Variants in BIN2 observed in about 807,000 individuals in gnomAD.
BIN2 encodes breast cancer associated protein BRAP1.
BIN2 carries 43 observed loss-of-function variants against 67.9 expected under a neutral mutation model. That is an observed-to-expected ratio of 0.63 (90% CI 0.50 to 0.82). BIN2 has a LOEUF of 0.82. Among genes scored for constraint, BIN2 ranks in the 40% least tolerant of loss-of-function variants. The pLI is 0.00. For synonymous variants in BIN2, 244 were observed against 246.8 expected (o/e 0.99, Z 0.11); for missense variants, 581 against 671.6 (o/e 0.87, Z 1.49).
At chr12:51,296,606 A>C (rs958830776) in intron 8 of BIN2, among the ~76,000 whole-genome samples, 5 of 152,194 alleles carry the variant, frequency 3.3e-5, no homozygotes, top group Non-Finnish European at 7.3e-5. Context: ...AATATAACTA[A>C]TATAAATGTT....
intron 1 of BIN2, among the ~76,000 whole-genome samples, chr12:51,319,982 CCT>C (rs1198132998): frequency 1.3e-5 from 2 of 151,248 alleles, no homozygotes; most frequent in African/African-American, 4.9e-5. Flanking sequence ...TCCTTTTCTC[CCT>C]CTCTTTCTTT....
chr12:51,316,105 T>C (rs940758494), intron 1 of BIN2, among the ~76,000 whole-genome samples: 2 of 152,326 alleles, frequency 1.3e-5, no homozygotes, highest in Admixed American at 6.5e-5. Context: ...TCACTGTTTA[T>C]TACCTGGCCT....
chr12:51,281,575 C>T (rs1357521166), intron 12 of BIN2, 47 bp from the exon 13 acceptor site: 4 of 1,601,566 alleles, frequency 2.5e-6, no homozygotes, highest in Non-Finnish European at 2.6e-6. Flanking sequence ...GCCTTCCCAC[C>T]AACCACTTAT....
chr12:51,315,154 G>T (rs1044645169), intron 1 of BIN2, among the ~76,000 whole-genome samples: 2 of 151,758 alleles, frequency 1.3e-5, no homozygotes, highest in Admixed American at 6.6e-5. Context: ...AGGCTGGCTG[G>T]CATTGTTATT....
At chr12:51,281,894 G>A (rs917426400) in intron 12 of BIN2, among the ~76,000 whole-genome samples, 2 of 151,864 alleles carry the variant, frequency 1.3e-5, no homozygotes, top group Admixed American at 1.3e-4. Flanking sequence ...AGGACTACAG[G>A]CGCACACAAC....
intron 10 of BIN2, 25 bp downstream of exon 10, chr12:51,291,566 A>C: frequency 6.5e-7 from 1 of 1,546,138 alleles, no homozygotes. Flanking sequence ...AATTAAATTA[A>C]ATACCCAACC....
intron 1 of BIN2, among the ~76,000 whole-genome samples, chr12:51,322,233 T>G (rs1213060040): frequency 2.0e-5 from 3 of 152,120 alleles, no homozygotes; most frequent in Non-Finnish European, 2.9e-5. Flanking sequence ...ATTTTACAGG[T>G]GCAAGATCTG....
At chr12:51,322,398 G>C (rs3847857) in intron 1 of BIN2, among the ~76,000 whole-genome samples, 1 of 152,246 alleles carries the variant, frequency 6.6e-6, no homozygotes, top group South Asian at 2.1e-4. Context: ...TTATTTTTAT[G>C]TATTTATTTT....
In BIN2 at chr12:51,306,618, T is replaced by C. The variant is rs1945871469; in HGVS notation, c.163-3477A>G. On this transcript the variant is annotated intron_variant, in intron 2 of 12. Transcript: ENST00000615107. ...CTGCAGCCTGGGCGACACAGCAGAC[T>C]CTGTCTAAAAATCAAAACCAATCAA... is the stretch of plus-strand genomic sequence containing the variant. 2.6e-5 allele frequency among the ~76,000 whole-genome samples: 4 copies of C among 152,216 alleles called. No individual in the cohort carries two copies. In the South Asian group the frequency reaches 8.3e-4, roughly 32 times the overall value.
intron 2 of BIN2, among the ~76,000 whole-genome samples, chr12:51,312,197 G>A (rs1293982512): frequency 6.6e-6 from 1 of 152,166 alleles, no homozygotes; most frequent in Non-Finnish European, 1.5e-5. Context: ...ATGCTTATTT[G>A]CCTGATAAGA....
intron 1 of BIN2, among the ~76,000 whole-genome samples, chr12:51,317,589 A>C (rs896536503): frequency 1.3e-5 from 2 of 152,038 alleles, no homozygotes; most frequent in African/African-American, 4.8e-5. Flanking sequence ...GAATCGGTTA[A>C]AGGGTTGCAG....
Position 51,281,374 on chromosome 12 carries a change from G to T in BIN2, c.*125C>A. On this transcript the variant is annotated 3_prime_UTR_variant, in exon 13 of 13. Coordinates refer to ENST00000615107, the MANE Select transcript of BIN2 (RefSeq NM_016293.4). Reference sequence around the variant, plus strand: ...TCCATTAATGCCAGGTCTTTAGACAGCACCAGCATTCCTACTGAGAACCCA... The same window carrying T: ...TCCATTAATGCCAGGTCTTTAGACATCACCAGCATTCCTACTGAGAACCCA... The T allele has an allele frequency of 9.6e-7, 1 of 1,044,632 alleles. No individual in the cohort carries two copies. The highest frequency in any genetic ancestry group is 1.5e-6 in the Non-Finnish European group (1 of 677,774). 64.7% of individuals were successfully genotyped at this position (1,044,632 alleles called of 1,614,324 possible).
At chr12:51,320,936 A>ACACACACACAC (rs1031506424) in intron 1 of BIN2, among the ~76,000 whole-genome samples, 3,850 of 138,674 alleles carry the variant, frequency 0.028, 173 homozygotes, top group South Asian at 0.077. Flanking sequence ...TCATACTAAA[A>ACACACACACAC]ACACACACAC....
chr12:51,316,869 C>G (rs945071840), intron 1 of BIN2, among the ~76,000 whole-genome samples: 23 of 152,116 alleles, frequency 1.5e-4, no homozygotes, highest in African/African-American at 5.1e-4. Context: ...ATTACTACTA[C>G]TACTATTATT....
intron 9 of BIN2, among the ~76,000 whole-genome samples, chr12:51,294,207 A>C (rs78498474): frequency 1.3e-5 from 2 of 152,176 alleles, no homozygotes; most frequent in Non-Finnish European, 2.9e-5. Flanking sequence ...CTTACAAACA[A>C]CACTAAGAGA....
Position 51,291,785 on chromosome 12 carries a change from C to T in BIN2, c.1321G>A (p.Gly441Arg), listed in dbSNP as rs1254450168. The T allele has an allele frequency of 1.2e-6, 2 of 1,613,624 alleles. No homozygotes were observed. Among genetic ancestry groups the T allele is most frequent in the Non-Finnish European group, 1.7e-6 (2 of 1,179,820 alleles). Residue 441 changes from glycine (G) to arginine (R), a missense_variant, in exon 10 of 13, where the codon GGA becomes AGA. Coordinates refer to ENST00000615107, the MANE Select transcript of BIN2 (RefSeq NM_016293.4). ...GNIPSSPTAS[G>R]GGSPTSPRAS... ...CTAGGGCTGGTGGGTGAACCCCCTC[C>T]AGAGGCTGTAGGGCTGGAAGGTATG...
chr12:51,283,262 TCAA>T (rs869264292), intron 12 of BIN2, among the ~76,000 whole-genome samples: 1 of 15,568 alleles, frequency 6.4e-5, no homozygotes, highest in Admixed American at 9.6e-4. Flanking sequence ...AGACTCCATC[TCAA>T]AAAAAAAAAA....
intron 1 of BIN2, 70 bp from the exon 2 acceptor site, chr12:51,313,973 C>A (rs1004444954): frequency 6.0e-6 from 7 of 1,169,056 alleles, no homozygotes; most frequent in Non-Finnish European, 8.9e-6. Context: ...CCTCATATGA[C>A]CCTGGCTTCA....
intron 2 of BIN2, among the ~76,000 whole-genome samples, chr12:51,305,123 G>A (rs1377868685): frequency 6.6e-6 from 1 of 151,644 alleles, no homozygotes; most frequent in Non-Finnish European, 1.5e-5. Context: ...GATCACCCGA[G>A]GTCAGGAGTT....
Sources: allele counts gnomAD v4.1 joint callset (sites outside exome capture counted in the v4.1 genomes callset), GRCh38; gene constraint gnomAD v4.1.1; transcripts MANE v1.5; gene names NCBI Gene and HGNC (gene_info 2026-07-23, HGNC 2026-07-21).